Variants in MOCOS observed in about 807,000 individuals in gnomAD.
The protein encoded by MOCOS is molybdenum cofactor sulfurase, also known as human molybdenum cofactor sulfurase.
A neutral mutation model predicts 83.6 loss-of-function variants in MOCOS; 86 were observed. The ratio of observed to expected loss-of-function variants is 1.03; its 90% CI spans 0.86 to 1.23. The LOEUF (loss-of-function observed/expected upper bound fraction) is 1.23, where lower values mean the gene tolerates loss of function less well. Ranked by LOEUF, MOCOS falls within the 50% of genes most tolerant of loss-of-function variation. The pLI, the probability that MOCOS is intolerant of heterozygous loss-of-function variation, is 0.00. For synonymous variants in MOCOS, 445 were observed against 434.7 expected (o/e 1.02, Z -0.29); for missense variants, 1,120 against 1,126.9 (o/e 0.99, Z 0.09).
chr18:36,199,733 C>T lies in MOCOS; in HGVS notation c.350C>T (p.Thr117Ile). 3 of 1,614,192 alleles carry T rather than the reference C, an allele frequency of 1.9e-6. No homozygotes were observed. Among genetic ancestry groups the T allele is most frequent in the Non-Finnish European group, 8.5e-7 (1 of 1,180,042 alleles). ...GCAGAAGACTACACTGTGATCTTCACTGCCGGGAGCACGGCTGCTCTCAAA... is the reference window on the plus strand; with the variant it reads ...GCAGAAGACTACACTGTGATCTTCATTGCCGGGAGCACGGCTGCTCTCAAA... ...TTAEDYTVIF[T>I]AGSTAALKLV... The change falls in exon 4 of 15, where the codon ACT (threonine) becomes ATT (isoleucine). Residue 117 changes from threonine (T) to isoleucine (I), a missense_variant. Physicochemically the swap from Thr to Ile is moderately conservative, Grantham distance 89. Transcript: ENST00000261326.
At position 36,200,301 on chromosome 18, in the gene MOCOS, C is replaced by T; in HGVS notation, c.918C>T (p.Ile306=). 2 of 1,614,094 alleles carry T rather than the reference C, an allele frequency of 1.2e-6. No individual in the cohort carries two copies. Among genetic ancestry groups the T allele is most frequent in the Non-Finnish European group, 1.7e-6 (2 of 1,180,038 alleles). Residue 306 remains isoleucine (I), a synonymous_variant, in exon 4 of 15, where the codon ATC becomes ATT. Transcript: ENST00000261326. ...SAYLAGEDFY[I]PRQSVAQRFE... is the part of the protein sequence containing the mutation. ...ACCTAGCAGGAGAAGACTTCTACAT[C>T]CCGAGGCAGTCGGTAGCTCAGAGGT...
intron 9 of MOCOS, 110 bp downstream of exon 9, chr18:36,220,327 G>T: frequency 7.4e-7 from 1 of 1,344,410 alleles, no homozygotes; most frequent in Non-Finnish European, 1.0e-6. Flanking sequence ...GCAATACAGT[G>T]AGACCTCATC....
intron 4 of MOCOS, among the ~76,000 whole-genome samples, chr18:36,201,673 A>G (rs1598872510): frequency 6.6e-6 from 1 of 151,038 alleles, no homozygotes; most frequent in African/African-American, 2.4e-5. Flanking sequence ...CAAAAAAAAA[A>G]AAAAAAGAAA....
rs147481858 is a variant in MOCOS at position 36,248,187 on chromosome 18, C to T, written c.1961-735C>T. 7.3e-3 allele frequency among the ~76,000 whole-genome samples: 1,116 copies of T among 151,844 alleles called. 14 individuals are homozygous for T. The highest frequency in any genetic ancestry group is 6.6e-3 in the Non-Finnish European group (450 of 67,984). Reference sequence around the variant, plus strand: ...TCATTGTGGTTTTGGTTTGCATTCCCCTGATGATTAGTGATGTTGAACATT... The same window carrying T: ...TCATTGTGGTTTTGGTTTGCATTCCTCTGATGATTAGTGATGTTGAACATT... On this transcript the variant is annotated intron_variant, in intron 9 of 14. Coordinates refer to ENST00000261326, the MANE Select transcript of MOCOS (RefSeq NM_017947.4).
intron 9 of MOCOS, among the ~76,000 whole-genome samples, chr18:36,232,484 G>T (rs550513407): frequency 5.3e-5 from 8 of 151,920 alleles, no homozygotes; most frequent in African/African-American, 1.9e-4. Context: ...TCATTTCTTT[G>T]TGTTGAGGAT....
chr18:36,196,538 C>T (rs1475957934), intron 2 of MOCOS, among the ~76,000 whole-genome samples: 2 of 152,222 alleles, frequency 1.3e-5, no homozygotes, highest in Admixed American at 6.5e-5. Flanking sequence ...TCTGTTATGC[C>T]ACATTAAGGG....
intron 9 of MOCOS, among the ~76,000 whole-genome samples, chr18:36,222,680 C>A (rs1655101598): frequency 6.6e-6 from 1 of 151,540 alleles, no homozygotes; most frequent in African/African-American, 2.4e-5. Flanking sequence ...TGGCTCACTG[C>A]AAGCTCTGCC....
At chr18:36,234,377 C>T (rs919990847) in intron 9 of MOCOS, among the ~76,000 whole-genome samples, 1 of 152,136 alleles carries the variant, frequency 6.6e-6, no homozygotes, top group Non-Finnish European at 1.5e-5. Flanking sequence ...TTATTCTGTT[C>T]CATTGGTCTG....
intron 13 of MOCOS, 99 bp downstream of exon 13, chr18:36,260,274 G>GTCC (rs2091659054): frequency 6.7e-7 from 1 of 1,488,080 alleles, no homozygotes; most frequent in Admixed American, 1.7e-5. Flanking sequence ...CTCCCTCCCA[G>GTCC]TCCTTGTCTC....
intron 9 of MOCOS, among the ~76,000 whole-genome samples, chr18:36,239,030 C>T (rs2091570747): frequency 1.3e-5 from 2 of 151,404 alleles, no homozygotes; most frequent in African/African-American, 2.4e-5. Context: ...ATGTGTGTCT[C>T]TGCATGTGAG....
chr18:36,219,250 T>C (rs2144920711), intron 8 of MOCOS, among the ~76,000 whole-genome samples: 1 of 151,852 alleles, frequency 6.6e-6, no homozygotes, highest in South Asian at 2.1e-4. Context: ...TGCAATGACA[T>C]GATCTCGGCT....
intron 13 of MOCOS, among the ~76,000 whole-genome samples, chr18:36,263,227 A>G (rs745642543): frequency 5.3e-5 from 8 of 152,268 alleles, no homozygotes; most frequent in South Asian, 4.1e-4. Flanking sequence ...TCATCAAGTC[A>G]TAAATATTTT....
chr18:36,221,388 T>A (rs576001488), intron 9 of MOCOS, among the ~76,000 whole-genome samples: 3 of 152,296 alleles, frequency 2.0e-5, no homozygotes, highest in African/African-American at 7.2e-5. Context: ...TTCCTTTTTC[T>A]TTTTTAGCAC....
intron 6 of MOCOS, among the ~76,000 whole-genome samples, chr18:36,210,456 T>C (rs2091450531): frequency 6.6e-6 from 1 of 152,126 alleles, no homozygotes; most frequent in Admixed American, 6.5e-5. Context: ...TTTTAAATGC[T>C]TTTGGAGGGG....
At chr18:36,226,355 T>C (rs1200628716) in intron 9 of MOCOS, among the ~76,000 whole-genome samples, 1 of 152,190 alleles carries the variant, frequency 6.6e-6, no homozygotes, top group Non-Finnish European at 1.5e-5. Context: ...CTCTTTTGGT[T>C]ACCATTTGCA....
At chr18:36,198,844 G>A (rs1352195542) in intron 3 of MOCOS, 88 bp downstream of exon 3, 1 of 1,441,562 alleles carries the variant, frequency 6.9e-7, no homozygotes. Context: ...CAAAAGTTCT[G>A]AGTTGGTTTC....
chr18:36,263,983 C>T (rs2091672970), intron 13 of MOCOS, among the ~76,000 whole-genome samples: 1 of 152,000 alleles, frequency 6.6e-6, no homozygotes, highest in African/African-American at 2.4e-5. Flanking sequence ...TTGACACCAG[C>T]CTGACCAACA....
At chr18:36,210,312 C>A (rs116837257) in intron 6 of MOCOS, among the ~76,000 whole-genome samples, 1 of 152,110 alleles carries the variant, frequency 6.6e-6, no homozygotes, top group African/African-American at 2.4e-5. Flanking sequence ...TCGGTCCTCA[C>A]TGGTGTTCAG....
At position 36,195,298 on chromosome 18, in the gene MOCOS, C is replaced by T; in HGVS notation, c.184C>T (p.Gln62Ter). The T allele has an allele frequency of 6.2e-7, 1 of 1,614,148 alleles. No homozygotes were observed. The highest frequency in any genetic ancestry group is 8.5e-7 in the Non-Finnish European group (1 of 1,179,998). ...CCATGCAGGTGCCACCTTGTTCTCCCAGAGCCAGCTCGAAAGCTTCACTAG... is the reference window on the plus strand; with the variant it reads ...CCATGCAGGTGCCACCTTGTTCTCCTAGAGCCAGCTCGAAAGCTTCACTAG... ...LDHAGATLFS[Q>*]SQLESFTSDL... is the part of the protein sequence containing the mutation. Residue 62 changes from glutamine (Q) to a stop codon, truncating the protein, a stop_gained, in exon 2 of 15, where the codon CAG becomes TAG. Coordinates refer to ENST00000261326, the MANE Select transcript of MOCOS (RefSeq NM_017947.4). LOFTEE classifies it high-confidence loss of function.
Sources: gnomAD v4.1 joint callset for allele counts (sites outside exome capture counted in the v4.1 genomes callset) on GRCh38, gnomAD v4.1.1 for gene constraint, MANE v1.5 for transcripts, NCBI Gene and HGNC (gene_info 2026-07-23, HGNC 2026-07-21) for gene names.